Variants in MATN4 observed in about 807,000 individuals in gnomAD.
MATN4 encodes the protein matrilin 4.
In MATN4, 40 loss-of-function variants were observed where a neutral mutation model predicts 54.6. The observed-to-expected ratio is 0.73, with a 90% confidence interval of 0.57 to 0.95. The LOEUF is 0.95. Ranked by LOEUF, MATN4 falls within the 40% of genes least tolerant of loss-of-function variation. The pLI is 0.00. For synonymous variants in MATN4, 351 were observed against 345.3 expected, an observed-to-expected ratio of 1.02 and a Z score of -0.18; for missense variants, 810 against 819.1, an observed-to-expected ratio of 0.99 and a Z score of 0.13.
intron 8 of MATN4, among the ~76,000 whole-genome samples, chr20:45,294,467 T>C (rs1362235189): frequency 6.6e-6 from 1 of 152,250 alleles, no homozygotes; most frequent in Non-Finnish European, 1.5e-5. Flanking sequence ...TGTGTAGCAC[T>C]CTCCAAATAA....
Position 45,293,542 on chromosome 20 carries a change from C to G in MATN4, c.*225G>C. The stretch of plus-strand genomic sequence containing the variant: ...ACGCGGCGAGGGCGTGCCGGTCTAG[C>G]ACGTGCCCCTTCCCTCACCACCCGC... On this transcript the variant is annotated 3_prime_UTR_variant, in exon 10 of 10. Coordinates refer to ENST00000372756, the MANE Select transcript of MATN4 (RefSeq NM_001393530.1). 1.9e-6 allele frequency: 1 copy of G among 523,380 alleles called. No homozygotes were observed. The highest frequency in any genetic ancestry group is 2.7e-5 in the South Asian group (1 of 37,650). The allele number at this position is 523,380 out of a possible 1,614,324, so 32.4% of individuals were successfully genotyped here.
At position 45,293,715 on chromosome 20, in the gene MATN4, G is replaced by T. The variant is rs1600686886; in HGVS notation, c.*52C>A. ...CCCGGCGCACCGATGGCGCGCAAGG[G>T]GCACCGTCCGTGGTGCCGCGCCCCA... is the stretch of plus-strand genomic sequence containing the variant. On this transcript the variant is annotated 3_prime_UTR_variant, in exon 10 of 10. Coordinates refer to ENST00000372756, the MANE Select transcript of MATN4 (RefSeq NM_001393530.1). 1.3e-6 allele frequency: 2 copies of T among 1,519,058 alleles called. No homozygotes were observed. Among genetic ancestry groups the T allele is most frequent in the African/African-American group, 2.8e-5 (2 of 72,542 alleles). The allele number at this position is 1,519,058 out of a possible 1,614,324, so 94.1% of individuals were successfully genotyped here.
At chr20:45,304,192 G>A in intron 3 of MATN4, 36 bp downstream of exon 3, 2 of 1,437,732 alleles carry the variant, frequency 1.4e-6, no homozygotes, top group Non-Finnish European at 1.8e-6. Flanking sequence ...TTTGGATTGA[G>A]AGTTCGAGCT....
chr20:45,302,770 T>C (rs2743290), intron 3 of MATN4, among the ~76,000 whole-genome samples: 79,359 of 151,568 alleles, frequency 0.52, 21,798 homozygotes, highest in African/African-American at 0.67. Flanking sequence ...GAAGAGAAAC[T>C]GTAAGGATGT....
intron 6 of MATN4, among the ~76,000 whole-genome samples, chr20:45,300,384 T>G (rs1986147514): frequency 6.6e-6 from 1 of 152,184 alleles, no homozygotes; most frequent in Non-Finnish European, 1.5e-5. Flanking sequence ...GGTTTCAAAA[T>G]TTTTATCACA....
At chr20:45,303,573 G>C in intron 3 of MATN4, 2 of 668,740 alleles carry the variant, frequency 3.0e-6, no homozygotes, top group Non-Finnish European at 5.7e-6. Context: ...CAACAAGAGA[G>C]AGCTGGATGG....
intron 1 of MATN4, among the ~76,000 whole-genome samples, chr20:45,307,426 G>A (rs552907101): frequency 6.6e-6 from 1 of 152,246 alleles, no homozygotes; most frequent in South Asian, 2.1e-4. Context: ...GTGGGAGGGT[G>A]ACCAAGCAAG....
At chr20:45,299,632 C>T (rs1448310599) in intron 6 of MATN4, among the ~76,000 whole-genome samples, 2 of 151,960 alleles carry the variant, frequency 1.3e-5, no homozygotes, top group African/African-American at 4.8e-5. Flanking sequence ...GCTCCCAGCA[C>T]TTTGGGAGGC....
At chr20:45,306,979 C>A in intron 1 of MATN4, 2 of 1,235,474 alleles carry the variant, frequency 1.6e-6, no homozygotes, top group Middle Eastern at 2.6e-4. Flanking sequence ...CCGGAGACGC[C>A]CCGTGAGAAC....
chr20:45,305,805 C>CTTTTTTTTTTTTTTTTTTTTTTGT (rs758735302), intron 1 of MATN4, among the ~76,000 whole-genome samples, 189 bp from the exon 2 acceptor site: 1 of 64,676 alleles, frequency 1.5e-5, no homozygotes, highest in African/African-American at 6.5e-5. Flanking sequence ...ACAAGAGATT[C>CTTTTTTTTTTTTTTTTTTTTTTGT]TTTTTTTTTT....
chr20:45,298,717 A>C lies in MATN4; in HGVS notation c.1013-134T>G. On this transcript the variant is annotated intron_variant, in intron 6 of 9. Transcript: ENST00000372756. The surrounding 1 kb of genome is among the most constrained non-coding windows in gnomAD (Gnocchi z 4.6). ...TTCCTGAGTCCTTCCTGTGCCAGGC[A>C]GTGTGCTAAGTAATAATAATTATCA... 1.6e-6 allele frequency: 1 copy of C among 627,740 alleles called. No homozygotes were observed. Among genetic ancestry groups the C allele is most frequent in the Non-Finnish European group, 2.7e-6 (1 of 376,592 alleles). The allele number at this position is 627,740 out of a possible 1,614,324, so 38.9% of individuals were successfully genotyped here.
rs762412418 is a variant in MATN4, at chr20:45,294,031, A to G, written c.1580-16T>C. ...ATGCCCTCCTCTGCAAGCCGGACAC[A>G]GAGGGTCAGGGGGATGAGAAATTGC... On this transcript the variant is annotated splice_polypyrimidine_tract_variant and intron_variant, in intron 8 of 9. Transcript: ENST00000372756. 6.3e-7 allele frequency: 1 copy of G among 1,590,320 alleles called. No homozygotes were observed. The highest frequency in any genetic ancestry group is 1.1e-5 in the South Asian group (1 of 90,680).
intron 3 of MATN4, among the ~76,000 whole-genome samples, chr20:45,302,236 T>C (rs1282031250): frequency 6.6e-6 from 1 of 152,158 alleles, no homozygotes; most frequent in Non-Finnish European, 1.5e-5. Flanking sequence ...TCCAGAGGTC[T>C]TGGAGAGAGA....
rs79635257 is a variant in MATN4 at position 45,303,082 on chromosome 20, CAA to C, written c.643+1144_643+1145del. Among the ~76,000 whole-genome samples the C allele has an allele frequency of 5.4e-3, 448 of 82,878 alleles. 2 individuals are homozygous for C. The highest frequency in any genetic ancestry group is 0.018 in the African/African-American group (425 of 23,014). The allele number at this position is 82,878 out of a possible 152,430, so 54.4% of individuals were successfully genotyped here. ...TGGGCAATAGAGCCAGACTCTGTCT[CAA>C]AAAAAAAAAAAAAAAAAAAAGAGAG... is the stretch of plus-strand genomic sequence containing the variant. On this transcript the variant is annotated intron_variant, in intron 3 of 9. Coordinates refer to ENST00000372756, the MANE Select transcript of MATN4 (RefSeq NM_001393530.1).
intron 3 of MATN4, among the ~76,000 whole-genome samples, chr20:45,302,049 G>A (rs138840169): frequency 6.6e-6 from 1 of 151,992 alleles, no homozygotes; most frequent in African/African-American, 2.4e-5. Flanking sequence ...GCACATACAC[G>A]CTTGTGTATG....
In MATN4 at chr20:45,293,832, G is replaced by A. The variant is rs200891394; in HGVS notation, c.1688-7C>T. 1 of 1,611,352 alleles carries A rather than the reference G, an allele frequency of 6.2e-7. No individual in the cohort carries two copies. The highest frequency in any genetic ancestry group is 8.5e-7 in the Non-Finnish European group (1 of 1,179,938). On this transcript the variant is annotated splice_region_variant and splice_polypyrimidine_tract_variant and intron_variant, in intron 9 of 9. Transcript: ENST00000372756. The stretch of plus-strand genomic sequence containing the variant: ...CGCGCCGTCAGCTGGGCCAGTGAGC[G>A]GTTAAGGAGGCCGTTGGGGTTCGCC...
chr20:45,295,873 G>C (rs188800229), intron 8 of MATN4, among the ~76,000 whole-genome samples: 1 of 152,246 alleles, frequency 6.6e-6, no homozygotes, highest in Admixed American at 6.5e-5. Flanking sequence ...ATCTTAAAAT[G>C]AATGGTATCT....
In MATN4 at chr20:45,298,684, GACAA is replaced by G; in HGVS notation, c.1013-105_1013-102del. On this transcript the variant is annotated intron_variant, in intron 6 of 9. Coordinates refer to ENST00000372756, the MANE Select transcript of MATN4 (RefSeq NM_001393530.1). The surrounding 1 kb of genome is among the most constrained non-coding windows in gnomAD (Gnocchi z 4.6). ...ATTCGCAAACATTTATTATATAACA[GACAA>G]CATTTCCTGAGTCCTTCCTGTGCCA... 1 of 941,196 alleles carries G rather than the reference GACAA, an allele frequency of 1.1e-6. No individual in the cohort carries two copies. Among genetic ancestry groups the G allele is most frequent in the Non-Finnish European group, 1.6e-6 (1 of 641,582 alleles). The allele number at this position is 941,196 out of a possible 1,614,324, so 58.3% of individuals were successfully genotyped here.
chr20:45,295,305 C>A (rs1239182236), intron 8 of MATN4, among the ~76,000 whole-genome samples: 1 of 152,154 alleles, frequency 6.6e-6, no homozygotes, highest in Non-Finnish European at 1.5e-5. Flanking sequence ...GCATCGGCAT[C>A]GTGTAGGAAT....
Sources: gnomAD v4.1 joint callset for allele counts (sites outside exome capture counted in the v4.1 genomes callset) on GRCh38, gnomAD v4.1.1 for gene constraint, Gnocchi (gnomAD v3.1) non-coding constraint, MANE v1.5 for transcripts, NCBI Gene and HGNC (gene_info 2026-07-23, HGNC 2026-07-21) for gene names.